KDM3A: variants seen among roughly 807,000 people sequenced by gnomAD.
KDM3A encodes lysine-specific demethylase 3A.
In KDM3A, 60 loss-of-function variants were observed where a neutral mutation model predicts 158.0. The observed-to-expected ratio is 0.38, with a 90% CI of 0.31 to 0.47. The LOEUF is 0.47. Ranked by LOEUF, KDM3A falls within the 20% of genes least tolerant of loss-of-function variation. The pLI is 0.99. For synonymous variants in KDM3A, 608 were observed against 549.3 expected (o/e 1.11, Z -1.49); for missense variants, 1,319 against 1,574.3 (o/e 0.84, Z 2.74).
In KDM3A at chr2:86,487,453, G is replaced by C. The variant is rs191763468; in HGVS notation, c.3313+1594G>C. On this transcript the variant is annotated intron_variant, in intron 21 of 25. Transcript: ENST00000312912. ...TGAGAGTAAGTGCAAAGGCTCTTTGGAGAGATCATATAATCCAGCCTCTCT... is the reference window on the plus strand; with the variant it reads ...TGAGAGTAAGTGCAAAGGCTCTTTGCAGAGATCATATAATCCAGCCTCTCT... 9 of 152,288 alleles carry C rather than the reference G, an allele frequency of 5.9e-5. No individual in the cohort carries two copies. The East Asian group carries it at 1.4e-3, about 23-fold the overall frequency. 9.4% of individuals were successfully genotyped at this position (152,288 alleles called of 1,614,324 possible).
In KDM3A at chr2:86,454,549, G is replaced by T. The variant is rs1026458065; in HGVS notation, c.454-536G>T. ...GATGAATAAACTAACTCTCAGTTAT[G>T]GTCATCTACCCCTGCTAGTAGGTTA... On this transcript the variant is annotated intron_variant, in intron 4 of 25. Transcript: ENST00000312912. Among the ~76,000 whole-genome samples, 3 of 152,144 alleles carry T rather than the reference G, an allele frequency of 2.0e-5. No homozygotes were observed. The South Asian group carries it at 6.2e-4, about 32-fold the overall frequency.
intron 25 of KDM3A, 34 bp from the exon 26 acceptor site, chr2:86,492,005 G>A (rs1404700164): frequency 7.2e-7 from 1 of 1,397,348 alleles, no homozygotes; most frequent in Non-Finnish European, 1.0e-6. Context: ...AGATTTAAAT[G>A]TAAAATGCCC....
chr2:86,458,455 G>C (rs1013641110), intron 8 of KDM3A, among the ~76,000 whole-genome samples: 1 of 152,204 alleles, frequency 6.6e-6, no homozygotes, highest in African/African-American at 2.4e-5. Context: ...AAGTTTACAA[G>C]GTAATTTCAA....
chr2:86,451,818 T>G (rs1672482619), intron 4 of KDM3A, among the ~76,000 whole-genome samples: 1 of 152,210 alleles, frequency 6.6e-6, no homozygotes, highest in Admixed American at 6.5e-5. Flanking sequence ...ACAAGGGTAT[T>G]ATAGTTGATG....
upstream of KDM3A, among the ~76,000 whole-genome samples, chr2:86,439,283 T>C (rs1481945339): frequency 2.0e-5 from 3 of 152,066 alleles, no homozygotes; most frequent in East Asian, 5.8e-4. Flanking sequence ...TTTCTAATCT[T>C]GAAGTATCTT....
intron 3 of KDM3A, among the ~76,000 whole-genome samples, chr2:86,450,440 A>T (rs963680464): frequency 2.6e-5 from 4 of 152,138 alleles, no homozygotes; most frequent in African/African-American, 9.7e-5. Flanking sequence ...TGATCTTATG[A>T]TCTTTAAGGT....
At chr2:86,470,176 C>T (rs1362447400) in intron 10 of KDM3A, 28 bp from the exon 11 acceptor site, 8 of 1,603,016 alleles carry the variant, frequency 5.0e-6, no homozygotes, top group Non-Finnish European at 6.0e-6. Context: ...ATTTGAGGTC[C>T]TGTCTCCTTA....
At chr2:86,448,860 A>T (rs531363774) in intron 2 of KDM3A, among the ~76,000 whole-genome samples, 1 of 152,322 alleles carries the variant, frequency 6.6e-6, no homozygotes, top group South Asian at 2.1e-4. Flanking sequence ...TCATTGGTAG[A>T]ATACAAAAAG....
In KDM3A at chr2:86,484,012, A is replaced by C; in HGVS notation, c.2948A>C (p.His983Pro). 1 of 1,613,756 alleles carries C rather than the reference A, an allele frequency of 6.2e-7. No homozygotes were observed. Among genetic ancestry groups the C allele is most frequent in the Non-Finnish European group, 8.5e-7 (1 of 1,179,808 alleles). Residue 983 changes from histidine to proline, a missense_variant, in exon 19 of 26, where the codon CAT becomes CCT. Around this residue, in one of 4 missense-constraint regions of KDM3A, gnomAD observed 368 missense variants for 415.8 expected, o/e 0.89. Coordinates refer to ENST00000312912, the MANE Select transcript of KDM3A (RefSeq NM_018433.6). The part of the protein sequence containing the change: ...GQPVMVSGVH[H>P]KLNSELWKPE... ...CCAGTGATGGTGTCTGGAGTGCATC[A>C]TAAATTGAACTCTGAACTTTGGAAA...
Position 86,481,951 on chromosome 2 carries a change from T to C in KDM3A, c.2534T>C (p.Ile845Thr). The C allele has an allele frequency of 6.2e-7, 1 of 1,611,086 alleles. No individual in the cohort carries two copies. Among genetic ancestry groups the C allele is most frequent in the Non-Finnish European group, 8.5e-7 (1 of 1,179,078 alleles). Residue 845 changes from isoleucine to threonine, a missense_variant, in exon 17 of 26, where the codon ATT (isoleucine) becomes ACT (threonine). Ile to Thr is a moderately conservative substitution (Grantham distance 89). This residue lies in a region of KDM3A where 368 missense variants were observed against 415.8 expected (regional missense o/e 0.89). Transcript: ENST00000312912. ...TTAGAAAAACAACCAACAATGCCAA[T>C]TTTAAAGAATGAAATCAAATGCCTT... Reference protein sequence around the residue: ...ENKEKQPTMPILKNEIKCLPP... With the variant: ...ENKEKQPTMPTLKNEIKCLPP...
chr2:86,449,845 A>G lies in KDM3A; in HGVS notation c.225A>G (p.Arg75=), dbSNP rs781588850. The G allele has an allele frequency of 6.2e-7, 1 of 1,613,362 alleles. No homozygotes were observed. The highest frequency in any genetic ancestry group is 8.5e-7 in the Non-Finnish European group (1 of 1,179,702). ...TTGATGGGGAATCTTGGAGGAAAAGAAGATGGATAGAAGTCTACAGCCTTC... is the reference window on the plus strand; with the variant it reads ...TTGATGGGGAATCTTGGAGGAAAAGGAGATGGATAGAAGTCTACAGCCTTC... The part of the protein sequence containing the change: ...VEFDGESWRK[R]RWIEVYSLLR... Residue 75 remains arginine, a synonymous_variant, in exon 3 of 26, where the codon AGA becomes AGG. Coordinates refer to ENST00000312912, the MANE Select transcript of KDM3A (RefSeq NM_018433.6).
intron 10 of KDM3A, among the ~76,000 whole-genome samples, chr2:86,469,682 C>A (rs1385059993): frequency 1.3e-5 from 2 of 152,180 alleles, no homozygotes; most frequent in Non-Finnish European, 2.9e-5. Context: ...TTAGAAGATG[C>A]TCTAACTCCA....
At chr2:86,454,186 T>C (rs1445138945) in intron 4 of KDM3A, among the ~76,000 whole-genome samples, 1 of 152,252 alleles carries the variant, frequency 6.6e-6, no homozygotes, top group Non-Finnish European at 1.5e-5. Context: ...TAAATGAATC[T>C]GTGTGAAATG....
At chr2:86,481,181 T>C (rs1425233019) in intron 16 of KDM3A, among the ~76,000 whole-genome samples, 2 of 152,182 alleles carry the variant, frequency 1.3e-5, no homozygotes, top group East Asian at 3.9e-4. Context: ...ACATTCTTAA[T>C]CAAGAGTTTA....
chr2:86,464,584 C>G (rs1299400716), intron 9 of KDM3A, among the ~76,000 whole-genome samples: 2 of 152,166 alleles, frequency 1.3e-5, no homozygotes, highest in African/African-American at 2.4e-5. Context: ...GAGAGATTCT[C>G]CGCAGCCTCG....
intron 15 of KDM3A, 49 bp from the exon 16 acceptor site, chr2:86,480,118 G>A: frequency 7.2e-7 from 1 of 1,386,982 alleles, no homozygotes; most frequent in Non-Finnish European, 1.0e-6. Context: ...AGAAAAGGAA[G>A]CTGTCATTCT....
At chr2:86,447,287 AC>A (rs1229231610) in intron 2 of KDM3A, among the ~76,000 whole-genome samples, 1 of 141,554 alleles carries the variant, frequency 7.1e-6, no homozygotes, top group Non-Finnish European at 1.6e-5. Context: ...AAGGAGGTAA[AC>A]TTTTTTTTTT....
chr2:86,489,012 T>G (rs1674324353), intron 21 of KDM3A: 1 of 301,838 alleles, frequency 3.3e-6, no homozygotes, highest in Admixed American at 4.9e-5. Context: ...GCCCCAGAAC[T>G]CCTAGGCTGT....
intron 2 of KDM3A, among the ~76,000 whole-genome samples, chr2:86,447,505 C>T (rs1049102458): frequency 1.3e-5 from 2 of 150,700 alleles, no homozygotes; most frequent in Non-Finnish European, 2.9e-5. Flanking sequence ...GTTGAAGATC[C>T]TCTTTCCCCT....
Sources: gnomAD v4.1 joint callset for allele counts (sites outside exome capture counted in the v4.1 genomes callset) on GRCh38, gnomAD v4.1.1 for gene constraint, gnomAD v4.1.1 regional missense constraint, MANE v1.5 for transcripts, NCBI Gene and HGNC (gene_info 2026-07-23, HGNC 2026-07-21) for gene names.